The following EYA1 variants were observed in gnomAD, a reference collection of about 807,000 sequenced individuals.
The protein encoded by EYA1 is protein phosphatase EYA1.
In EYA1, 16 loss-of-function variants were observed where a neutral mutation model predicts 82.0. That is an observed-to-expected ratio of 0.20 (90% CI 0.13 to 0.30). The LOEUF (loss-of-function observed/expected upper bound fraction) is 0.30. Among genes scored for constraint, EYA1 ranks in the 10% least tolerant of loss-of-function variants. The probability of loss-of-function intolerance (pLI) is 1.00; values close to 1 mark genes in which losing one functional copy is unlikely to be tolerated. For missense variants in EYA1, 633 were observed against 730.7 expected, an observed-to-expected ratio of 0.87 and a Z score of 1.54; for synonymous variants, 261 against 264.4, an observed-to-expected ratio of 0.99 and a Z score of 0.12.
intron 3 of EYA1, among the ~76,000 whole-genome samples, chr8:71,348,234 T>C (rs967436432): frequency 4.6e-5 from 7 of 152,320 alleles, no homozygotes; most frequent in Non-Finnish European, 8.8e-5. Context: ...GACCCCACTT[T>C]ATTTATATAC....
intron 2 of EYA1, among the ~76,000 whole-genome samples, chr8:71,434,583 C>G (rs1474784005): frequency 6.6e-6 from 1 of 152,062 alleles, no homozygotes; most frequent in Non-Finnish European, 1.5e-5. Flanking sequence ...CCCAAGGAAA[C>G]AAGGTCCTTC....
At position 71,354,841 on chromosome 8, in the gene EYA1, C is replaced by T. The variant is rs727503049; in HGVS notation, c.65G>A (p.Gly22Asp). Residue 22 changes from glycine to aspartate, a missense_variant, in exon 3 of 18, where the codon GGC becomes GAC. Transcript: ENST00000340726. ...RLSGSSESPS[G>D]PKLGNSHINS... ...TATATGAGAGTTACCGAGTTTGGGG[C>T]CACTGGGGGATTCACTACTACCACT... 35 of 1,613,470 alleles carry T rather than the reference C, an allele frequency of 2.2e-5. No individual in the cohort carries two copies. Among genetic ancestry groups the T allele is most frequent in the Non-Finnish European group, 2.8e-5 (33 of 1,179,612 alleles).
chr8:71,546,540 G>A (rs1205462632), intron 1 of EYA1, among the ~76,000 whole-genome samples: 1 of 141,766 alleles, frequency 7.1e-6, no homozygotes, highest in East Asian at 2.0e-4. Flanking sequence ...ACGCTCTGTC[G>A]CCCAGGCTAG....
intron 9 of EYA1, among the ~76,000 whole-genome samples, chr8:71,273,068 A>G (rs141357964): frequency 6.6e-6 from 1 of 152,338 alleles, no homozygotes; most frequent in African/African-American, 2.4e-5. Context: ...CAAAGCCTTG[A>G]GTCAGAGTAG....
At chr8:71,216,610 G>T in intron 14 of EYA1, 82 bp downstream of exon 14, 1 of 1,371,988 alleles carries the variant, frequency 7.3e-7, no homozygotes, top group Non-Finnish European at 1.0e-6. Context: ...ATTCAAAGCA[G>T]TGTGACACAA....
At chr8:71,484,991 T>G (rs1238867647) in intron 2 of EYA1, among the ~76,000 whole-genome samples, 1 of 152,220 alleles carries the variant, frequency 6.6e-6, no homozygotes, top group Admixed American at 6.5e-5. Flanking sequence ...TCAACTGCAT[T>G]GCCAACCACC....
intron 17 of EYA1, among the ~76,000 whole-genome samples, chr8:71,209,214 T>C (rs1332911487): frequency 6.6e-6 from 1 of 152,092 alleles, no homozygotes; most frequent in East Asian, 1.9e-4. Context: ...AAGACTTGAG[T>C]CTGGATGTCA....
intron 3 of EYA1, among the ~76,000 whole-genome samples, chr8:71,349,294 G>A (rs1193702695): frequency 6.6e-6 from 1 of 152,280 alleles, no homozygotes; most frequent in Admixed American, 6.5e-5. Flanking sequence ...CTTGCACAGC[G>A]CTGCTGTTTG....
At chr8:71,286,797 GTTTTTTTTT>G (rs141777395) in intron 9 of EYA1, among the ~76,000 whole-genome samples, 6 of 112,486 alleles carry the variant, frequency 5.3e-5, no homozygotes, top group East Asian at 4.6e-4. Flanking sequence ...CATATTGGTA[GTTTTTTTTT>G]TTTTTTTTTT....
At chr8:71,316,069 T>C (rs543866489) in intron 7 of EYA1, among the ~76,000 whole-genome samples, 2 of 152,206 alleles carry the variant, frequency 1.3e-5, no homozygotes, top group African/African-American at 2.4e-5. Flanking sequence ...AATAATAAGA[T>C]AAAGATGACA....
chr8:71,397,097 AC>A (rs1161141921), intron 2 of EYA1, among the ~76,000 whole-genome samples: 3 of 152,144 alleles, frequency 2.0e-5, no homozygotes, highest in Non-Finnish European at 4.4e-5. Flanking sequence ...TTTATCAGAG[AC>A]CAGGATTGCA....
chr8:71,451,548 T>C (rs554058695), intron 2 of EYA1, among the ~76,000 whole-genome samples: 10 of 152,346 alleles, frequency 6.6e-5, no homozygotes, highest in African/African-American at 2.2e-4. Context: ...GGGAATTATT[T>C]TTGTTTTTTC....
At chr8:71,348,489 C>T (rs1825977171) in intron 3 of EYA1, among the ~76,000 whole-genome samples, 1 of 152,212 alleles carries the variant, frequency 6.6e-6, no homozygotes, top group Admixed American at 6.5e-5. Context: ...ATTCTCTGCA[C>T]TATTAGCAAT....
At chr8:71,231,876 G>C (rs1811240183) in intron 12 of EYA1, among the ~76,000 whole-genome samples, 1 of 152,190 alleles carries the variant, frequency 6.6e-6, no homozygotes. Context: ...ATGGCTTGCA[G>C]GTTTGTAAGA....
At chr8:71,502,789 C>G (rs1187610194) in intron 2 of EYA1, among the ~76,000 whole-genome samples, 1 of 152,176 alleles carries the variant, frequency 6.6e-6, no homozygotes, top group African/African-American at 2.4e-5. Flanking sequence ...AACCGCCAGT[C>G]AACAACTCTG....
chr8:71,442,173 A>G (rs1806478715), intron 2 of EYA1, among the ~76,000 whole-genome samples: 2 of 152,224 alleles, frequency 1.3e-5, no homozygotes. Context: ...CTAATAGTTA[A>G]TAGTTATTTA....
In EYA1 at chr8:71,494,022, C is replaced by CAAAAAAAAAAAAAA. The variant is rs34340467; in HGVS notation, c.33+41708_33+41721dup. Among the ~76,000 whole-genome samples the CAAAAAAAAAAAAAA allele has an allele frequency of 2.3e-3, 97 of 41,862 alleles. 3 individuals carry two copies. The highest frequency in any genetic ancestry group is 5.8e-3 in the African/African-American group (86 of 14,864). 27.5% of individuals were successfully genotyped at this position (41,862 alleles called of 152,430 possible). A position where few individuals can be genotyped will look rare whatever the true frequency, so the allele number is the denominator to read the frequency against. On this transcript the variant is annotated intron_variant, in intron 2 of 18. Transcript: ENST00000643681. Reference sequence around the variant, plus strand: ...TGGGCGACAGAGCGAGACTCCGTCTCAAAAAAAAAAAAAAAAAAAAAAAGA... The same window carrying CAAAAAAAAAAAAAA: ...TGGGCGACAGAGCGAGACTCCGTCTCAAAAAAAAAAAAAAAAAAAAAAAAAAAAAAAAAAAAAGA...
intron 2 of EYA1, among the ~76,000 whole-genome samples, chr8:71,519,796 C>T (rs1813252485): frequency 6.6e-6 from 1 of 152,100 alleles, no homozygotes; most frequent in African/African-American, 2.4e-5. Context: ...TGGTGTCCCT[C>T]TATGGTTGGC....
intron 2 of EYA1, among the ~76,000 whole-genome samples, chr8:71,378,976 G>A (rs17724013): frequency 0.34 from 51,852 of 151,826 alleles, 10,148 homozygotes; most frequent in East Asian, 0.72. Flanking sequence ...ATGAACATGT[G>A]TTTATCAAAG....
Sources: allele counts gnomAD v4.1 joint callset (sites outside exome capture counted in the v4.1 genomes callset), GRCh38; gene constraint gnomAD v4.1.1; transcripts MANE v1.5; gene names NCBI Gene and HGNC (gene_info 2026-07-23, HGNC 2026-07-21).